Variants in USP34 observed in about 807,000 individuals in gnomAD.
USP34 encodes the protein ubiquitin specific peptidase 34.
In USP34, 70 loss-of-function variants were observed where a neutral mutation model predicts 460.3. The observed-to-expected ratio is 0.15, with a 90% CI of 0.13 to 0.19. The LOEUF is 0.19. Among genes scored for constraint, USP34 ranks in the 10% least tolerant of loss-of-function variants. The pLI is 1.00. For missense variants in USP34, 3,985 were observed against 4,236.2 expected (o/e 0.94, Z 1.65); for synonymous variants, 1,647 against 1,405.3 (o/e 1.17, Z -3.85).
chr2:61,409,139 G>T lies in USP34; in HGVS notation c.132-3011C>A, dbSNP rs143779119. 4.6e-5 allele frequency among the ~76,000 whole-genome samples: 7 copies of T among 152,264 alleles called. No individual in the cohort carries two copies. In the East Asian group the frequency reaches 1.4e-3, roughly 29 times the overall value. ...GGAGGCTGAGGCACAAGAATTGCTTGAACTCGGGAGGTGGAAGGTGCAGTC... is the reference window on the plus strand; with the variant it reads ...GGAGGCTGAGGCACAAGAATTGCTTTAACTCGGGAGGTGGAAGGTGCAGTC... On this transcript the variant is annotated intron_variant, in intron 2 of 79. Transcript: ENST00000398571.
intron 1 of USP34, among the ~76,000 whole-genome samples, chr2:61,439,622 C>T (rs1694909937): frequency 6.6e-6 from 1 of 152,170 alleles, no homozygotes; most frequent in Admixed American, 6.5e-5. Context: ...GACGGGGACT[C>T]CTGTGTGCTC....
intron 8 of USP34, among the ~76,000 whole-genome samples, chr2:61,373,221 A>G (rs1011791149): frequency 6.6e-6 from 1 of 152,082 alleles, no homozygotes; most frequent in Non-Finnish European, 1.5e-5. Flanking sequence ...CTATATATAT[A>G]TACTATAAAA....
At chr2:61,406,869 G>T (rs183570026) in intron 2 of USP34, among the ~76,000 whole-genome samples, 2 of 151,904 alleles carry the variant, frequency 1.3e-5, no homozygotes, top group Admixed American at 1.3e-4. Flanking sequence ...AAATAGCTGG[G>T]TATGGTGGTG....
intron 2 of USP34, among the ~76,000 whole-genome samples, chr2:61,407,399 A>T (rs35411693): frequency 0.052 from 7,993 of 152,276 alleles, 266 homozygotes; most frequent in Non-Finnish European, 0.081. Context: ...TCAATAGGCA[A>T]TTAATACATA....
chr2:61,292,763 C>T (rs185122315), intron 33 of USP34, among the ~76,000 whole-genome samples: 1 of 152,242 alleles, frequency 6.6e-6, no homozygotes, highest in Non-Finnish European at 1.5e-5. Flanking sequence ...ATGTCCTTTA[C>T]AATGAGCTTG....
chr2:61,405,945 C>G lies in USP34; in HGVS notation c.315G>C (p.Leu105=), dbSNP rs938198302. 4 of 1,613,316 alleles carry G rather than the reference C, an allele frequency of 2.5e-6. No individual in the cohort carries two copies. Among genetic ancestry groups the G allele is most frequent in the Admixed American group, 1.7e-5 (1 of 59,888 alleles). The change falls in exon 3 of 80, where the codon CTG becomes CTC. Residue 105 remains leucine (L), a synonymous_variant. Transcript: ENST00000398571. ...QDESNQAEEP[L]NIDRECNEGS... ...CTTCATTACACTCTCTATCTATATTCAGTGGTTCTTCTGCTTGATTACTCT... is the reference window on the plus strand; with the variant it reads ...CTTCATTACACTCTCTATCTATATTGAGTGGTTCTTCTGCTTGATTACTCT...
chr2:61,328,391 TA>T (rs1190440089), intron 20 of USP34, among the ~76,000 whole-genome samples: 1 of 151,848 alleles, frequency 6.6e-6, no homozygotes, highest in Non-Finnish European at 1.5e-5. Context: ...TCTTTCATGC[TA>T]CAAGAATCTT....
intron 19 of USP34, among the ~76,000 whole-genome samples, chr2:61,331,938 G>C (rs547250973): frequency 1.0e-3 from 153 of 152,026 alleles, no homozygotes; most frequent in African/African-American, 3.7e-3. Flanking sequence ...ACACCTATTA[G>C]CAATTTATCT....
rs564973718 is a variant in USP34, at chr2:61,292,361, T to C, written c.4548+1103A>G. ...CTGAAAGCAATTTCTATCTTAGACA[T>C]GCTTTGCATCTTGGGCATTATAAAG... On this transcript the variant is annotated intron_variant, in intron 33 of 79. Transcript: ENST00000398571. Among the ~76,000 whole-genome samples, 6 of 152,334 alleles carry C rather than the reference T, an allele frequency of 3.9e-5. No homozygotes were observed. The East Asian group carries it at 1.2e-3, about 29-fold the overall frequency.
Position 61,188,464 on chromosome 2 carries a change from T to C in USP34, c.10279A>G (p.Met3427Val). The stretch of plus-strand genomic sequence containing the variant: ...GCATGCTGTGACCTGATATTTGACA[T>C]GTCTTCTGAAAACGAAGATGGAACT... ...MEVPSSFSEDMSNIRSQHAEE... is the reference protein window; with the variant it reads ...MEVPSSFSEDVSNIRSQHAEE... The change falls in exon 80 of 80, where the codon ATG (methionine) becomes GTG (valine). Residue 3427 changes from methionine to valine, a missense_variant. This residue lies in a region of USP34 where 506 missense variants were observed against 439.0 expected (regional missense o/e 1.15). Transcript: ENST00000398571. 6.2e-7 allele frequency: 1 copy of C among 1,614,248 alleles called. No homozygotes were observed. Among genetic ancestry groups the C allele is most frequent in the Non-Finnish European group, 8.5e-7 (1 of 1,180,046 alleles).
intron 2 of USP34, among the ~76,000 whole-genome samples, chr2:61,418,561 C>T (rs1694265340): frequency 2.6e-5 from 4 of 152,202 alleles, no homozygotes; most frequent in African/African-American, 9.6e-5. Context: ...TATGGACTCA[C>T]TTGGTCCACG....
chr2:61,223,196 C>A (rs1198070627), intron 63 of USP34, 32 bp from the exon 64 acceptor site: 5 of 1,612,694 alleles, frequency 3.1e-6, no homozygotes, highest in Non-Finnish European at 4.2e-6. Flanking sequence ...CATTTAAGAA[C>A]CGTTATTATT....
chr2:61,309,086 G>T (rs1286662005), intron 27 of USP34, among the ~76,000 whole-genome samples: 1 of 152,056 alleles, frequency 6.6e-6, no homozygotes, highest in Non-Finnish European at 1.5e-5. Context: ...CATGTAAAAA[G>T]TATCGGAATT....
In USP34 at chr2:61,423,609, C is replaced by T. The variant is rs141076921; in HGVS notation, c.44-2776G>A. On this transcript the variant is annotated intron_variant, in intron 1 of 79. Coordinates refer to ENST00000398571, the MANE Select transcript of USP34 (RefSeq NM_014709.4). ...TGGAAGACATTATATTGTTAAATAT[C>T]GACACCACCCAAATTGATTTATGAA... is the stretch of plus-strand genomic sequence containing the variant. Among the ~76,000 whole-genome samples the T allele has an allele frequency of 5.0e-3, 766 of 152,124 alleles. 3 individuals carry two copies. Among genetic ancestry groups the T allele is most frequent in the Non-Finnish European group, 8.8e-3 (595 of 68,000 alleles).
chr2:61,232,386 T>G, intron 58 of USP34, 66 bp downstream of exon 58: 1 of 1,305,518 alleles, frequency 7.7e-7, no homozygotes, highest in East Asian at 2.3e-5. Flanking sequence ...ATAAGCAAAT[T>G]GAGAATAATT....
intron 43 of USP34, among the ~76,000 whole-genome samples, chr2:61,260,077 A>G (rs1688833782): frequency 6.6e-6 from 1 of 152,070 alleles, no homozygotes; most frequent in South Asian, 2.1e-4. Context: ...GCAAGAATGA[A>G]AAACACTTCA....
intron 2 of USP34, among the ~76,000 whole-genome samples, chr2:61,414,266 A>G (rs554647790): frequency 1.4e-4 from 16 of 113,284 alleles, no homozygotes; most frequent in Non-Finnish European, 2.6e-4. Flanking sequence ...AAATAAATAA[A>G]TAACTTTAAA....
chr2:61,434,783 A>G (rs1694768083), intron 1 of USP34, among the ~76,000 whole-genome samples: 1 of 151,756 alleles, frequency 6.6e-6, no homozygotes, highest in Non-Finnish European at 1.5e-5. Context: ...GGGGGTTCCA[A>G]CAATGTGTAG....
chr2:61,404,041 A>G (rs1693798018), intron 3 of USP34, among the ~76,000 whole-genome samples: 1 of 151,482 alleles, frequency 6.6e-6, no homozygotes, highest in African/African-American at 2.4e-5. Context: ...TAAGGAAAGA[A>G]GGACAGAAAG....
Sources: gnomAD v4.1 joint callset for allele counts (sites outside exome capture counted in the v4.1 genomes callset) on GRCh38, gnomAD v4.1.1 for gene constraint, gnomAD v4.1.1 regional missense constraint, MANE v1.5 for transcripts, NCBI Gene and HGNC (gene_info 2026-07-23, HGNC 2026-07-21) for gene names.